ZNF804B: variants seen among roughly 807,000 people sequenced by gnomAD.
The protein encoded by ZNF804B is zinc finger protein 804B, also known as zinc finger 804B.
In ZNF804B, 80 loss-of-function variants were observed where a neutral mutation model predicts 101.4. The observed-to-expected ratio is 0.79, with a 90% confidence interval of 0.66 to 0.95. The LOEUF is 0.95. Ranked by LOEUF, ZNF804B falls within the 40% of genes least tolerant of loss-of-function variation. The pLI is 0.00. For missense variants in ZNF804B, 1,673 were observed against 1,561.9 expected, an observed-to-expected ratio of 1.07 and a Z score of -1.20; for synonymous variants, 622 against 558.8, an observed-to-expected ratio of 1.11 and a Z score of -1.59.
At chr7:88,979,151 G>A (rs1005115920) in intron 1 of ZNF804B, among the ~76,000 whole-genome samples, 2 of 151,838 alleles carry the variant, frequency 1.3e-5, no homozygotes, top group African/African-American at 4.8e-5. Context: ...AGTTATTGTA[G>A]TTATTATTTT....
intron 1 of ZNF804B, among the ~76,000 whole-genome samples, chr7:88,948,034 C>T (rs546164653): frequency 1.3e-4 from 20 of 151,858 alleles, no homozygotes; most frequent in African/African-American, 4.1e-4. Context: ...TAGTGATAGA[C>T]AAAATATCTA....
chr7:89,021,525 G>T (rs997704614), intron 1 of ZNF804B, among the ~76,000 whole-genome samples: 6 of 152,160 alleles, frequency 3.9e-5, no homozygotes, highest in African/African-American at 1.4e-4. Flanking sequence ...TCTGCTGATG[G>T]TGGGCATGCC....
intron 1 of ZNF804B, among the ~76,000 whole-genome samples, chr7:88,835,082 T>G (rs903550746): frequency 6.6e-6 from 1 of 151,908 alleles, no homozygotes. Context: ...TTTATTCTAT[T>G]TTTATATTAC....
chr7:88,936,079 C>T (rs1197672003), intron 1 of ZNF804B, among the ~76,000 whole-genome samples: 1 of 145,374 alleles, frequency 6.9e-6, no homozygotes, highest in Non-Finnish European at 1.5e-5. Context: ...CTTCTCTCTC[C>T]TTCCTTCCTT....
intron 2 of ZNF804B, among the ~76,000 whole-genome samples, chr7:89,267,570 A>G (rs1789819903): frequency 6.6e-6 from 1 of 152,072 alleles, no homozygotes; most frequent in East Asian, 1.9e-4. Flanking sequence ...ACCTGGAGTG[A>G]CCATAGATGT....
chr7:89,270,590 C>G (rs1389568654), intron 2 of ZNF804B, among the ~76,000 whole-genome samples: 1 of 152,078 alleles, frequency 6.6e-6, no homozygotes, highest in East Asian at 1.9e-4. Context: ...TAGTATTTTC[C>G]AATTCTGTGA....
intron 1 of ZNF804B, among the ~76,000 whole-genome samples, chr7:88,811,899 C>T (rs1349789905): frequency 6.6e-6 from 1 of 152,052 alleles, no homozygotes; most frequent in East Asian, 1.9e-4. Context: ...TTGATAGGTG[C>T]AGCAAACCAC....
chr7:88,987,751 G>A (rs1017138155), intron 1 of ZNF804B, among the ~76,000 whole-genome samples: 2 of 151,910 alleles, frequency 1.3e-5, no homozygotes, highest in Admixed American at 6.6e-5. Flanking sequence ...TCATTTATTT[G>A]GGTTGGGAAC....
At chr7:89,152,475 T>A (rs1213197437) in intron 1 of ZNF804B, among the ~76,000 whole-genome samples, 1 of 152,014 alleles carries the variant, frequency 6.6e-6, no homozygotes, top group African/African-American at 2.4e-5. Context: ...TATTAAAAAA[T>A]GTGTATGAAT....
chr7:88,960,122 C>T (rs139767924), intron 1 of ZNF804B, among the ~76,000 whole-genome samples: 31 of 151,458 alleles, frequency 2.0e-4, no homozygotes, highest in African/African-American at 7.5e-4. Context: ...CAAATTATTA[C>T]ATAAATTTTG....
At chr7:88,944,429 T>G (rs910780910) in intron 1 of ZNF804B, among the ~76,000 whole-genome samples, 1 of 151,828 alleles carries the variant, frequency 6.6e-6, no homozygotes, top group Non-Finnish European at 1.5e-5. Flanking sequence ...TTATTTTTAT[T>G]GTATTTTAAA....
intron 1 of ZNF804B, among the ~76,000 whole-genome samples, chr7:89,050,938 A>G (rs765444584): frequency 5.3e-5 from 8 of 151,958 alleles, no homozygotes; most frequent in Non-Finnish European, 8.8e-5. Context: ...TTGAGGTTTT[A>G]TTAAGGTAGA....
chr7:89,253,812 T>G (rs1789580382), intron 2 of ZNF804B, among the ~76,000 whole-genome samples: 1 of 151,978 alleles, frequency 6.6e-6, no homozygotes, highest in Non-Finnish European at 1.5e-5. Flanking sequence ...ATTTAAAAAA[T>G]AAAAATATAT....
At chr7:89,326,081 A>T (rs1790891209) in intron 2 of ZNF804B, among the ~76,000 whole-genome samples, 1 of 151,940 alleles carries the variant, frequency 6.6e-6, no homozygotes, top group African/African-American at 2.4e-5. Flanking sequence ...CCAGAGAACT[A>T]TTGATCTTTT....
intron 1 of ZNF804B, among the ~76,000 whole-genome samples, chr7:89,042,843 T>G (rs936700832): frequency 1.3e-5 from 2 of 152,208 alleles, no homozygotes; most frequent in Non-Finnish European, 2.9e-5. Context: ...TTTTCATAGA[T>G]CTGAGTATCC....
At chr7:89,108,847 T>TA (rs1250760053) in intron 1 of ZNF804B, among the ~76,000 whole-genome samples, 1 of 152,122 alleles carries the variant, frequency 6.6e-6, no homozygotes, top group Non-Finnish European at 1.5e-5. Context: ...GGTTAACCTA[T>TA]ATAAAATTCA....
At chr7:89,324,206 G>T (rs1408555258) in intron 2 of ZNF804B, among the ~76,000 whole-genome samples, 1 of 151,188 alleles carries the variant, frequency 6.6e-6, no homozygotes, top group Non-Finnish European at 1.5e-5. Flanking sequence ...TATAATAATT[G>T]TCCATTTTTT....
chr7:89,042,880 G>A (rs914004076), intron 1 of ZNF804B, among the ~76,000 whole-genome samples: 2 of 152,186 alleles, frequency 1.3e-5, no homozygotes, highest in African/African-American at 4.8e-5. Flanking sequence ...ATGTGAGATA[G>A]GAGCAGGTTT....
At chr7:89,207,145 C>A (rs1480981566) in intron 1 of ZNF804B, among the ~76,000 whole-genome samples, 1 of 152,234 alleles carries the variant, frequency 6.6e-6, no homozygotes, top group African/African-American at 2.4e-5. Context: ...TTACCCAGTT[C>A]CAAAGTGGCC....
Sources: allele counts gnomAD v4.1 joint callset (sites outside exome capture counted in the v4.1 genomes callset), GRCh38; gene constraint gnomAD v4.1.1; transcripts MANE v1.5; gene names NCBI Gene and HGNC (gene_info 2026-07-23, HGNC 2026-07-21).